COA1: variants seen among roughly 807,000 people sequenced by gnomAD.
COA1 encodes the protein cytochrome c oxidase assembly factor 1 homolog.
A neutral mutation model predicts 16.0 loss-of-function variants in COA1; 13 were observed. The ratio of observed to expected loss-of-function variants is 0.81; its 90% CI spans 0.53 to 1.29. COA1 has a LOEUF of 1.29. Ranked by LOEUF, COA1 falls within the 50% of genes most tolerant of loss-of-function variation. The pLI is 0.00. For missense variants in COA1, 179 were observed against 177.0 expected (o/e 1.01, Z -0.06); for synonymous variants, 65 against 65.7 (o/e 0.99, Z 0.05).
chr7:43,617,095 C>G (rs2083426660), intron 6 of COA1, among the ~76,000 whole-genome samples: 1 of 152,148 alleles, frequency 6.6e-6, no homozygotes, highest in African/African-American at 2.4e-5. Flanking sequence ...GGGAGCATGG[C>G]AAGTATGAGA....
At chr7:43,630,868 A>C (rs563527076) in intron 6 of COA1, among the ~76,000 whole-genome samples, 2 of 152,328 alleles carry the variant, frequency 1.3e-5, no homozygotes, top group South Asian at 2.1e-4. Context: ...AGTGAAATGT[A>C]GAAAACTCTC....
intron 1 of COA1, among the ~76,000 whole-genome samples, chr7:43,704,520 C>CT (rs2094893209): frequency 6.6e-6 from 1 of 152,142 alleles, no homozygotes; most frequent in Non-Finnish European, 1.5e-5. Context: ...TTTTTTAACT[C>CT]TTTTTTCATT....
downstream of COA1, among the ~76,000 whole-genome samples, chr7:43,636,038 GA>G (rs1322852776): frequency 1.3e-5 from 2 of 151,946 alleles, no homozygotes; most frequent in African/African-American, 2.4e-5. Context: ...TCCTCTAAGG[GA>G]AAAAAAACTT....
chr7:43,641,452 A>G (rs2087074466), intron 4 of COA1: 1 of 152,244 alleles, frequency 6.6e-6, no homozygotes, highest in Non-Finnish European at 1.5e-5. Context: ...AAACAGAGCA[A>G]AATCCAATTG....
intron 1 of COA1, among the ~76,000 whole-genome samples, chr7:43,683,599 AC>A (rs956070815): frequency 8.6e-5 from 13 of 151,988 alleles, no homozygotes; most frequent in Admixed American, 6.6e-4. Flanking sequence ...GCGCCACTGC[AC>A]TCCAGCCTGG....
chr7:43,710,901 T>A (rs1463648966), intron 1 of COA1, among the ~76,000 whole-genome samples: 1 of 152,096 alleles, frequency 6.6e-6, no homozygotes, highest in Non-Finnish European at 1.5e-5. Flanking sequence ...ACTAAAACAA[T>A]AAGCAGCTGC....
intron 1 of COA1, among the ~76,000 whole-genome samples, chr7:43,670,369 C>G (rs1170722239): frequency 1.3e-5 from 2 of 152,100 alleles, no homozygotes; most frequent in Non-Finnish European, 2.9e-5. Context: ...AGAAGAATCA[C>G]CTGAACCTGG....
chr7:43,668,150 GCCTCATA>G (rs1308745157), intron 1 of COA1, among the ~76,000 whole-genome samples: 1 of 152,132 alleles, frequency 6.6e-6, no homozygotes, highest in Non-Finnish European at 1.5e-5. Flanking sequence ...GGGAGTACTG[GCCTCATA>G]CCTTGTCTAC....
chr7:43,644,744 A>G (rs1368253383), intron 4 of COA1, among the ~76,000 whole-genome samples: 1 of 90,366 alleles, frequency 1.1e-5, no homozygotes, highest in Non-Finnish European at 2.5e-5. Context: ...ATAGATAGAT[A>G]GATAGATAGA....
intron 1 of COA1, among the ~76,000 whole-genome samples, chr7:43,662,897 T>G (rs2092578987): frequency 6.6e-6 from 1 of 152,216 alleles, no homozygotes; most frequent in Admixed American, 6.5e-5. Context: ...TCTCAACTGC[T>G]CTGTTATTAC....
chr7:43,678,128 C>A (rs1170489223), intron 1 of COA1, among the ~76,000 whole-genome samples: 1 of 152,110 alleles, frequency 6.6e-6, no homozygotes, highest in African/African-American at 2.4e-5. Flanking sequence ...GAGAGATGAA[C>A]CTTCCTGTTG....
At chr7:43,728,103 T>C (rs901639405) in intron 1 of COA1, among the ~76,000 whole-genome samples, 3 of 151,996 alleles carry the variant, frequency 2.0e-5, no homozygotes, top group Non-Finnish European at 4.4e-5. Context: ...GCCTCCCAAG[T>C]AGCTGGGACT....
intron 2 of COA1, 127 bp downstream of exon 2, chr7:43,648,473 G>T: frequency 2.0e-6 from 2 of 983,048 alleles, no homozygotes; most frequent in Non-Finnish European, 3.3e-6. Flanking sequence ...TGAAGTTAAA[G>T]CACAAGTGAA....
chr7:43,699,897 G>A (rs535839985), intron 1 of COA1, among the ~76,000 whole-genome samples: 7 of 152,072 alleles, frequency 4.6e-5, no homozygotes, highest in African/African-American at 9.6e-5. Flanking sequence ...ATTATTTTAG[G>A]TATGATTTTG....
intron 1 of COA1, among the ~76,000 whole-genome samples, chr7:43,708,040 C>G (rs1400935013): frequency 2.0e-5 from 3 of 152,150 alleles, no homozygotes; most frequent in African/African-American, 7.2e-5. Flanking sequence ...CCCGTCTCTA[C>G]TAAAAATACA....
chr7:43,680,853 T>C (rs3779058), intron 1 of COA1, among the ~76,000 whole-genome samples: 125,836 of 152,074 alleles, frequency 0.83, 52,514 homozygotes, highest in African/African-American at 0.94. Flanking sequence ...TGCCTGTAGT[T>C]GCAGCTACTC....
At chr7:43,610,777 TATAA>T (rs1261832179) in intron 6 of COA1, among the ~76,000 whole-genome samples, 2 of 152,108 alleles carry the variant, frequency 1.3e-5, no homozygotes, top group Non-Finnish European at 2.9e-5. Flanking sequence ...TTTAATACTA[TATAA>T]ATAACTGCTT....
intron 1 of COA1, among the ~76,000 whole-genome samples, chr7:43,673,553 A>G (rs1256795532): frequency 6.6e-6 from 1 of 152,254 alleles, no homozygotes; most frequent in Non-Finnish European, 1.5e-5. Context: ...TAGGAATGTA[A>G]ATTAGTTCAG....
chr7:43,648,198 T>A, intron 2 of COA1: 1 of 259,338 alleles, frequency 3.9e-6, no homozygotes. Flanking sequence ...ACTCTTATAA[T>A]ATGTAAGAGT....
Sources: gnomAD v4.1 joint callset for allele counts (sites outside exome capture counted in the v4.1 genomes callset) on GRCh38, gnomAD v4.1.1 for gene constraint, MANE v1.5 for transcripts, NCBI Gene and HGNC (gene_info 2026-07-23, HGNC 2026-07-21) for gene names.